SNX25: variants seen among roughly 807,000 people sequenced by gnomAD.
The protein encoded by SNX25 is sorting nexin-25.
Under a neutral mutation model 113.7 loss-of-function variants are expected in SNX25, and 62 were observed. That is an observed-to-expected ratio of 0.55 (90% CI 0.44 to 0.67). The LOEUF is 0.67. Among genes scored for constraint, SNX25 ranks in the 30% least tolerant of loss-of-function variants. The pLI, the probability that SNX25 is intolerant of heterozygous loss-of-function variation, is 0.00. For synonymous variants in SNX25, 421 were observed against 436.2 expected (o/e 0.97, Z 0.43); for missense variants, 1,014 against 1,161.0 (o/e 0.87, Z 1.84).
chr4:185,250,355 CTT>C (rs1745466939), intron 2 of SNX25, among the ~76,000 whole-genome samples: 1 of 152,190 alleles, frequency 6.6e-6, no homozygotes, highest in Non-Finnish European at 1.5e-5. Flanking sequence ...CCAGCTGTTG[CTT>C]TCCACTGGTC....
chr4:185,331,465 A>G (rs2095194516), intron 9 of SNX25, among the ~76,000 whole-genome samples: 2 of 152,192 alleles, frequency 1.3e-5, no homozygotes, highest in Non-Finnish European at 2.9e-5. Context: ...ATTTTATATA[A>G]CTATTTATAG....
At chr4:185,361,349 C>T (rs1172408484) in intron 16 of SNX25, among the ~76,000 whole-genome samples, 1 of 152,174 alleles carries the variant, frequency 6.6e-6, no homozygotes, top group Non-Finnish European at 1.5e-5. Flanking sequence ...TCTCTCAGTT[C>T]TTGTCTTTAT....
intron 6 of SNX25, among the ~76,000 whole-genome samples, chr4:185,300,593 A>G (rs1254877755): frequency 6.6e-6 from 1 of 151,912 alleles, no homozygotes; most frequent in Admixed American, 6.6e-5. Flanking sequence ...GTCTTTTCTA[A>G]AGTTTTGATG....
At chr4:185,375,850 C>A in the SNX25 span, 1 of 510,826 alleles carries the variant, frequency 2.0e-6, no homozygotes, top group Non-Finnish European at 3.5e-6. Context: ...GCAGCCATAT[C>A]TGAACCCATG....
At chr4:185,291,275 C>G (rs921523395) in intron 6 of SNX25, among the ~76,000 whole-genome samples, 1 of 152,160 alleles carries the variant, frequency 6.6e-6, no homozygotes, top group Admixed American at 6.5e-5. Flanking sequence ...TACATTCATA[C>G]TGTTCTGTAG....
intron 5 of SNX25, among the ~76,000 whole-genome samples, chr4:185,270,259 G>A (rs1219973348): frequency 6.6e-6 from 1 of 152,116 alleles, no homozygotes; most frequent in Non-Finnish European, 1.5e-5. Context: ...ATTGCAGTAG[G>A]CACATCATGG....
intron 9 of SNX25, among the ~76,000 whole-genome samples, chr4:185,326,322 A>C (rs1424127267): frequency 6.6e-6 from 1 of 152,168 alleles, no homozygotes; most frequent in Non-Finnish European, 1.5e-5. Flanking sequence ...AAGAGTCCTG[A>C]ACATGTTTCC....
At chr4:185,259,877 C>A (rs1351590489) in intron 3 of SNX25, among the ~76,000 whole-genome samples, 2 of 151,746 alleles carry the variant, frequency 1.3e-5, no homozygotes, top group African/African-American at 4.8e-5. Context: ...TGTAGGGGAC[C>A]TTGCTGCTGA....
chr4:185,217,182 G>A (rs1286009946), intron 1 of SNX25, among the ~76,000 whole-genome samples: 2 of 151,970 alleles, frequency 1.3e-5, no homozygotes, highest in Non-Finnish European at 2.9e-5. Flanking sequence ...TGTAATCCCA[G>A]CACTTTGGGA....
chr4:185,240,389 C>G (rs1048864409), intron 1 of SNX25, among the ~76,000 whole-genome samples: 5 of 147,102 alleles, frequency 3.4e-5, no homozygotes, highest in Admixed American at 3.3e-4. Context: ...GCTGGCCGGG[C>G]GGGGGGCTGA....
chr4:185,363,606 A>T lies in SNX25; in HGVS notation c.*141A>T. ...CCCTCTAGTTTTATGTGAAATTAGTAGAATCAGGGAGGACGGGACTTATGC... is the reference window on the plus strand; with the variant it reads ...CCCTCTAGTTTTATGTGAAATTAGTTGAATCAGGGAGGACGGGACTTATGC... On this transcript the variant is annotated 3_prime_UTR_variant, in exon 19 of 19. Transcript: ENST00000652585. This position sits in a 1 kb window ranked among gnomAD's most constrained non-coding sequence, Gnocchi z 4.2. 1 of 711,772 alleles carries T rather than the reference A, an allele frequency of 1.4e-6. No individual in the cohort carries two copies. 44.1% of individuals were successfully genotyped at this position (711,772 alleles called of 1,614,324 possible). A position where few individuals can be genotyped will look rare whatever the true frequency, so the allele number is the denominator to read the frequency against.
chr4:185,213,176 CAGG>C (rs1738211213), intron 1 of SNX25, among the ~76,000 whole-genome samples: 1 of 152,210 alleles, frequency 6.6e-6, no homozygotes, highest in African/African-American at 2.4e-5. Flanking sequence ...TTACACCTAG[CAGG>C]AGCTCAAGAA....
In SNX25 at chr4:185,300,806, A is replaced by G. The variant is rs925128107; in HGVS notation, c.1163-9829A>G. Among the ~76,000 whole-genome samples, 3 of 146,056 alleles carry G rather than the reference A, an allele frequency of 2.1e-5. No individual in the cohort carries two copies. In the East Asian group the frequency reaches 6.5e-4, roughly 32 times the overall value. ...GGTCATGAGGGTTTCACCTTCATGC[A>G]TGGGATTAATGCCTGTGGTATTATG... On this transcript the variant is annotated intron_variant, in intron 6 of 18. Transcript: ENST00000652585.
intron 5 of SNX25, among the ~76,000 whole-genome samples, chr4:185,277,387 C>T (rs1384653288): frequency 6.6e-6 from 1 of 152,134 alleles, no homozygotes; most frequent in Non-Finnish European, 1.5e-5. Flanking sequence ...TTTTGTGACT[C>T]CCAAGGTCTG....
At chr4:185,317,841 G>A (rs2095087561) in intron 7 of SNX25, among the ~76,000 whole-genome samples, 1 of 152,034 alleles carries the variant, frequency 6.6e-6, no homozygotes, top group Admixed American at 6.6e-5. Context: ...TGCATGTGGG[G>A]CTTAAAACCT....
chr4:185,267,958 G>A (rs1748371048), intron 5 of SNX25, among the ~76,000 whole-genome samples: 1 of 152,124 alleles, frequency 6.6e-6, no homozygotes, highest in African/African-American at 2.4e-5. Context: ...CATCATAAAG[G>A]TCTTCATCCT....
intron 1 of SNX25, among the ~76,000 whole-genome samples, chr4:185,234,044 G>C (rs902290610): frequency 2.6e-5 from 4 of 151,996 alleles, no homozygotes; most frequent in African/African-American, 4.8e-5. Context: ...ATTTTTAGTA[G>C]AGACGGGGTT....
chr4:185,217,298 T>C (rs998629481), intron 1 of SNX25, among the ~76,000 whole-genome samples: 3 of 151,386 alleles, frequency 2.0e-5, no homozygotes, highest in Non-Finnish European at 4.4e-5. Context: ...TGATAAAAAG[T>C]GAGAGTTAAT....
intron 10 of SNX25, among the ~76,000 whole-genome samples, chr4:185,338,276 G>GTTTTTTTTTT (rs550870942): frequency 1.4e-5 from 2 of 140,374 alleles, no homozygotes. Flanking sequence ...TATATTCTGT[G>GTTTTTTTTTT]TGTTTTTTTT....
Sources: allele counts gnomAD v4.1 joint callset (sites outside exome capture counted in the v4.1 genomes callset), GRCh38; gene constraint gnomAD v4.1.1; non-coding constraint Gnocchi (gnomAD v3.1); transcripts MANE v1.5; gene names NCBI Gene and HGNC (gene_info 2026-07-23, HGNC 2026-07-21).